The following RBFOX1 variants were observed in gnomAD, a reference collection of about 807,000 sequenced individuals.
RBFOX1 encodes the protein RNA binding fox-1 homolog 1.
A neutral mutation model predicts 57.7 loss-of-function variants in RBFOX1; 8 were observed. That is an observed-to-expected ratio of 0.14 (90% CI 0.08 to 0.25). The LOEUF is 0.25. Among genes scored for constraint, RBFOX1 ranks in the 10% least tolerant of loss-of-function variants. The pLI is 1.00. For missense variants in RBFOX1, 611 were observed against 548.5 expected (o/e 1.11, Z -1.14); for synonymous variants, 326 against 222.4 (o/e 1.47, Z -4.15).
intron 1 of RBFOX1, among the ~76,000 whole-genome samples, chr16:5,444,224 A>G (rs2068173096): frequency 6.6e-6 from 1 of 152,198 alleles, no homozygotes; most frequent in Admixed American, 6.5e-5. Context: ...AGATTAAAGT[A>G]TGGATTGTTG....
intron 2 of RBFOX1, among the ~76,000 whole-genome samples, chr16:6,486,053 C>A (rs2095474295): frequency 2.5e-5 from 3 of 118,898 alleles, no homozygotes; most frequent in Admixed American, 1.8e-4. Context: ...GAGTATGATA[C>A]AAAAGTTGAA....
chr16:5,615,623 C>T (rs1457158167), intron 3 of RBFOX1, among the ~76,000 whole-genome samples: 1 of 152,194 alleles, frequency 6.6e-6, no homozygotes, highest in Non-Finnish European at 1.5e-5. Flanking sequence ...TCAGTCTTGT[C>T]ATCTGCAAAA....
chr16:6,437,366 C>T (rs989496671), intron 2 of RBFOX1, among the ~76,000 whole-genome samples: 2 of 152,156 alleles, frequency 1.3e-5, no homozygotes, highest in Non-Finnish European at 2.9e-5. Context: ...TGTTTAACTC[C>T]TTTTGTTTGC....
intron 2 of RBFOX1, among the ~76,000 whole-genome samples, chr16:6,413,215 C>G (rs905875973): frequency 6.7e-6 from 1 of 150,244 alleles, no homozygotes; most frequent in Non-Finnish European, 1.5e-5. Context: ...GAGACTTGGG[C>G]GGCTGAGGCA....
At chr16:6,914,562 A>AGC (rs377236930) in intron 3 of RBFOX1, among the ~76,000 whole-genome samples, 1 of 149,720 alleles carries the variant, frequency 6.7e-6, no homozygotes, top group African/African-American at 2.4e-5. Flanking sequence ...GAAAACAAAA[A>AGC]TAAAAAAAAA....
intron 14 of RBFOX1, among the ~76,000 whole-genome samples, chr16:7,704,465 A>G (rs1317241732): frequency 6.6e-6 from 1 of 152,124 alleles, no homozygotes; most frequent in Non-Finnish European, 1.5e-5. Flanking sequence ...GGAGCAGCTG[A>G]CCCAGAGTCT....
At chr16:6,808,834 A>T (rs894185762) in intron 3 of RBFOX1, among the ~76,000 whole-genome samples, 4 of 152,172 alleles carry the variant, frequency 2.6e-5, no homozygotes, top group Admixed American at 1.3e-4. Context: ...ATAGAAAATC[A>T]CTACCTCTTA....
At chr16:7,488,455 C>T (rs1025750448) in intron 4 of RBFOX1, among the ~76,000 whole-genome samples, 18 of 151,904 alleles carry the variant, frequency 1.2e-4, no homozygotes, top group African/African-American at 4.1e-4. Flanking sequence ...GTTTGTCTAT[C>T]ATTCTATCAC....
intron 3 of RBFOX1, among the ~76,000 whole-genome samples, chr16:6,885,617 T>C (rs796646950): frequency 4.6e-5 from 7 of 152,192 alleles, no homozygotes; most frequent in African/African-American, 1.4e-4. Context: ...CTGCCACCTC[T>C]GCCTCCTGAG....
chr16:5,520,061 C>T (rs572346840), intron 2 of RBFOX1, among the ~76,000 whole-genome samples: 1 of 152,226 alleles, frequency 6.6e-6, no homozygotes, highest in African/African-American at 2.4e-5. Flanking sequence ...TGCGATGAAG[C>T]AGAGGTACAG....
chr16:6,710,686 T>C (rs722257), intron 3 of RBFOX1, among the ~76,000 whole-genome samples: 149,174 of 152,374 alleles, frequency 0.98, 73,108 homozygotes, highest in East Asian at 1. Flanking sequence ...TGCTGCAGTT[T>C]GGAAATTCCC....
chr16:6,563,212 G>T (rs891837309), intron 2 of RBFOX1, among the ~76,000 whole-genome samples: 3 of 152,112 alleles, frequency 2.0e-5, no homozygotes, highest in Admixed American at 2.0e-4. Flanking sequence ...ATGGCACTGC[G>T]TGACTTCCAA....
intron 1 of RBFOX1, among the ~76,000 whole-genome samples, chr16:6,122,363 C>T (rs1217063763): frequency 8.5e-6 from 1 of 118,214 alleles, no homozygotes; most frequent in Non-Finnish European, 1.6e-5. Flanking sequence ...GATAAACACA[C>T]ACACACACAC....
chr16:7,672,420 C>A (rs2071771122), intron 13 of RBFOX1, among the ~76,000 whole-genome samples: 1 of 152,020 alleles, frequency 6.6e-6, no homozygotes, highest in African/African-American at 2.4e-5. Context: ...TTTTTGTAAA[C>A]CATGAGAATT....
intron 3 of RBFOX1, among the ~76,000 whole-genome samples, chr16:6,732,322 T>C (rs2068829330): frequency 6.6e-6 from 1 of 152,208 alleles, no homozygotes; most frequent in African/African-American, 2.4e-5. Flanking sequence ...CCCAGGCTCC[T>C]GTTCAGATTC....
chr16:7,417,372 C>CAA (rs369698520), intron 4 of RBFOX1, among the ~76,000 whole-genome samples: 28,042 of 122,278 alleles, frequency 0.23, 4,665 homozygotes, highest in East Asian at 0.34. Flanking sequence ...GACTCTGTGT[C>CAA]AAAGAAAAAA....
chr16:6,037,481 T>G (rs2152405038), intron 1 of RBFOX1: 1 of 151,984 alleles, frequency 6.6e-6, no homozygotes, highest in South Asian at 2.1e-4. Flanking sequence ...GTTTTCAATT[T>G]TACTAACTCA....
chr16:6,778,770 A>C lies in RBFOX1; in HGVS notation c.-16+124120A>C, dbSNP rs73530710. Among the ~76,000 whole-genome samples the C allele has an allele frequency of 2.4e-3, 372 of 152,168 alleles. 3 individuals are homozygous for C. Among genetic ancestry groups the C allele is most frequent in the African/African-American group, 5.8e-3 (243 of 41,562 alleles). ...AATATGATTGTGAATTTTCTTGTTT[A>C]TCGCACACAATAAATCCACCTTATA... On this transcript the variant is annotated intron_variant, in intron 3 of 15. Transcript: ENST00000550418.
intron 1 of RBFOX1, among the ~76,000 whole-genome samples, chr16:6,143,981 A>ATC (rs1555524703): frequency 2.2e-4 from 33 of 149,792 alleles, no homozygotes; most frequent in East Asian, 1.8e-3. Flanking sequence ...ATATATATAT[A>ATC]TCTCTACCTA....
Sources: gnomAD v4.1 joint callset for allele counts (sites outside exome capture counted in the v4.1 genomes callset) on GRCh38, gnomAD v4.1.1 for gene constraint, MANE v1.5 for transcripts, NCBI Gene and HGNC (gene_info 2026-07-23, HGNC 2026-07-21) for gene names.